PLET1: variants seen among roughly 807,000 people sequenced by gnomAD.
PLET1 encodes the protein placenta-expressed transcript 1 protein.
A neutral mutation model predicts 18.5 loss-of-function variants in PLET1; 20 were observed. That is an observed-to-expected ratio of 1.08 (90% CI 0.76 to 1.57). The LOEUF (loss-of-function observed/expected upper bound fraction) is 1.57. Among genes scored for constraint, PLET1 ranks in the 40% most tolerant of loss-of-function variants. The pLI is 0.00. For missense variants in PLET1, 256 were observed against 246.4 expected (o/e 1.04, Z -0.26); for synonymous variants, 93 against 93.8 (o/e 0.99, Z 0.05).
intron 1 of PLET1, among the ~76,000 whole-genome samples, chr11:112,259,011 G>A (rs1220598216): frequency 6.6e-6 from 1 of 152,214 alleles, no homozygotes; most frequent in Non-Finnish European, 1.5e-5. Context: ...AAGAAGAAAG[G>A]TTCTGAAGCT....
chr11:112,255,857 A>G (rs1451958687), intron 1 of PLET1, among the ~76,000 whole-genome samples: 3 of 152,328 alleles, frequency 2.0e-5, no homozygotes, highest in Non-Finnish European at 4.4e-5. Flanking sequence ...CAAATTTTCT[A>G]CAGTAAAAGG....
intron 1 of PLET1, 140 bp downstream of exon 1, chr11:112,260,266 C>T: frequency 1.1e-6 from 1 of 889,862 alleles, no homozygotes; most frequent in East Asian, 2.7e-5. Flanking sequence ...CATTCTTTGT[C>T]TTCCTTCCCT....
intron 3 of PLET1, 88 bp from the exon 4 acceptor site, chr11:112,249,062 G>A (rs1388955245): frequency 8.5e-7 from 1 of 1,175,426 alleles, no homozygotes; most frequent in Non-Finnish European, 1.2e-6. Flanking sequence ...AGAAAGGAGG[G>A]TAATCTGATG....
chr11:112,255,299 G>T, intron 2 of PLET1, 89 bp downstream of exon 2: 1 of 1,306,932 alleles, frequency 7.7e-7, no homozygotes, highest in Non-Finnish European at 1.1e-6. Flanking sequence ...CGTCTGGATT[G>T]TATTTTAAGT....
chr11:112,256,698 G>C (rs1028445162), intron 1 of PLET1, among the ~76,000 whole-genome samples: 2 of 152,206 alleles, frequency 1.3e-5, no homozygotes, highest in Non-Finnish European at 2.9e-5. Flanking sequence ...GCACACAACA[G>C]TTCTGTGTTC....
intron 3 of PLET1, among the ~76,000 whole-genome samples, chr11:112,249,932 G>C (rs1860136945): frequency 6.7e-6 from 1 of 149,096 alleles, no homozygotes; most frequent in Admixed American, 6.7e-5. Context: ...ATTCCAGTCT[G>C]GGTGAGAAAG....
intron 2 of PLET1, among the ~76,000 whole-genome samples, chr11:112,254,526 A>ATGTG (rs1343368624): frequency 8.3e-4 from 71 of 85,664 alleles, no homozygotes; most frequent in African/African-American, 3.2e-3. Context: ...TGTGGTATGT[A>ATGTG]TGTGTGTGGT....
chr11:112,254,565 G>T (rs962209789), intron 2 of PLET1, among the ~76,000 whole-genome samples: 1 of 16,622 alleles, frequency 6.0e-5, no homozygotes, highest in African/African-American at 1.2e-4. Context: ...TATATGTGAT[G>T]TGCGTGTGGT....
At chr11:112,259,176 A>C (rs1010994841) in intron 1 of PLET1, among the ~76,000 whole-genome samples, 4 of 152,220 alleles carry the variant, frequency 2.6e-5, no homozygotes, top group African/African-American at 9.7e-5. Context: ...AAACATGCCC[A>C]GCACATCGTA....
chr11:112,257,234 C>T (rs750352648), intron 1 of PLET1, among the ~76,000 whole-genome samples: 2 of 152,200 alleles, frequency 1.3e-5, no homozygotes, highest in Non-Finnish European at 2.9e-5. Flanking sequence ...ATGCACCTGC[C>T]CCTGATCCTT....
chr11:112,251,687 C>T (rs1307381636), intron 3 of PLET1, among the ~76,000 whole-genome samples: 1 of 152,168 alleles, frequency 6.6e-6, no homozygotes. Context: ...GTTGGGATTA[C>T]AGGTGTGAGC....
intron 1 of PLET1, among the ~76,000 whole-genome samples, chr11:112,259,376 T>C (rs915747053): frequency 1.3e-5 from 2 of 152,218 alleles, no homozygotes; most frequent in Admixed American, 6.5e-5. Context: ...ATCTCCCTAA[T>C]AGGTCACTAT....
At chr11:112,260,381 A>G (rs1860275493) in intron 1 of PLET1, 25 bp downstream of exon 1, 1 of 1,537,898 alleles carries the variant, frequency 6.5e-7, no homozygotes, top group Non-Finnish European at 8.8e-7. Flanking sequence ...AACAAAGGAC[A>G]GCAGAGAGCA....
At chr11:112,258,853 A>G (rs1860254917) in intron 1 of PLET1, among the ~76,000 whole-genome samples, 1 of 152,238 alleles carries the variant, frequency 6.6e-6, no homozygotes, top group African/African-American at 2.4e-5. Context: ...TTTAAAAGTA[A>G]GACAAAAGAT....
intron 2 of PLET1, 25 bp from the exon 3 acceptor site, chr11:112,252,434 A>G (rs535149020): frequency 3.9e-6 from 6 of 1,545,282 alleles, no homozygotes; most frequent in South Asian, 3.6e-5. Flanking sequence ...TCAATGAGAG[A>G]TAATGCTGAG....
intron 2 of PLET1, among the ~76,000 whole-genome samples, chr11:112,253,962 TTTG>T (rs1282984327): frequency 3.9e-5 from 6 of 152,136 alleles, no homozygotes; most frequent in Non-Finnish European, 8.8e-5. Flanking sequence ...GGGAGGAAGA[TTTG>T]TTGTTAAAGT....
intron 1 of PLET1, among the ~76,000 whole-genome samples, chr11:112,257,938 G>A (rs998057284): frequency 6.6e-6 from 1 of 152,222 alleles, no homozygotes; most frequent in Non-Finnish European, 1.5e-5. Flanking sequence ...AACCACGGGT[G>A]TGGGATCTGG....
intron 3 of PLET1, among the ~76,000 whole-genome samples, 195 bp downstream of exon 3, chr11:112,252,152 CT>C (rs531384983): frequency 1.3e-5 from 2 of 152,172 alleles, no homozygotes; most frequent in South Asian, 4.2e-4. Flanking sequence ...TGGGGGAGGG[CT>C]TTTGTTTTCT....
In PLET1 at chr11:112,248,889, G is replaced by C; in HGVS notation, c.534C>G (p.Leu178=). 6.4e-7 allele frequency: 1 copy of C among 1,551,488 alleles called. No individual in the cohort carries two copies. ...FFMITPKSIR[L]EGLANQVFSS... ...TGAAGACTTGGTTGGCCAAGCCTTC[G>C]AGTCTGATACTCTTGGGTGTAATCA... Residue 178 remains leucine, a synonymous_variant, in exon 4 of 4, where the codon CTC becomes CTG. Coordinates refer to ENST00000338832, the MANE Select transcript of PLET1 (RefSeq NM_001145024.1).
Sources: allele counts gnomAD v4.1 joint callset (sites outside exome capture counted in the v4.1 genomes callset), GRCh38; gene constraint gnomAD v4.1.1; transcripts MANE v1.5; gene names NCBI Gene and HGNC (gene_info 2026-07-23, HGNC 2026-07-21).